FLT1: variants seen among roughly 807,000 people sequenced by gnomAD.
The protein encoded by FLT1 is vascular endothelial growth factor receptor 1.
FLT1 carries 49 observed loss-of-function variants against 156.3 expected under a neutral mutation model. That is an observed-to-expected ratio of 0.31 (90% CI 0.25 to 0.40). FLT1 has a LOEUF of 0.40. Among genes scored for constraint, FLT1 ranks in the 10% least tolerant of loss-of-function variants. FLT1 has a pLI of 1.00. For synonymous variants in FLT1, 594 were observed against 583.8 expected, an observed-to-expected ratio of 1.02 and a Z score of -0.25; for missense variants, 1,322 against 1,637.2, an observed-to-expected ratio of 0.81 and a Z score of 3.32.
chr13:28,326,512 C>G (rs962672108), intron 20 of FLT1, among the ~76,000 whole-genome samples: 6 of 142,978 alleles, frequency 4.2e-5, no homozygotes, highest in African/African-American at 1.6e-4. Flanking sequence ...TCAATAATCT[C>G]TCTCTCTCTT....
At chr13:28,320,319 T>C (rs1315840655) in intron 23 of FLT1, among the ~76,000 whole-genome samples, 1 of 152,194 alleles carries the variant, frequency 6.6e-6, no homozygotes, top group Non-Finnish European at 1.5e-5. Flanking sequence ...TTTTATTTTT[T>C]TATTTTTACA....
intron 14 of FLT1, among the ~76,000 whole-genome samples, chr13:28,372,369 C>A (rs1873644222): frequency 6.7e-6 from 1 of 149,828 alleles, no homozygotes; most frequent in East Asian, 2.0e-4. Flanking sequence ...CAGGCATGAG[C>A]CACTGCATCC....
At chr13:28,462,748 A>C (rs1229980274) in intron 3 of FLT1, among the ~76,000 whole-genome samples, 3 of 151,996 alleles carry the variant, frequency 2.0e-5, no homozygotes, top group Admixed American at 2.0e-4. Context: ...TCCCTCAGCC[A>C]CTCAACCTCT....
intron 13 of FLT1, chr13:28,387,025 C>T (rs1874407017): frequency 9.6e-7 from 1 of 1,038,190 alleles, no homozygotes; most frequent in Non-Finnish European, 1.2e-6. Context: ...GCATCATCAA[C>T]ACAGACACGA....
chr13:28,320,765 G>A (rs1046782662), intron 23 of FLT1, among the ~76,000 whole-genome samples: 18 of 152,060 alleles, frequency 1.2e-4, no homozygotes, highest in Admixed American at 6.5e-4. Context: ...ACACTGTAGC[G>A]TAACAAGCCT....
At position 28,301,508 on chromosome 13, in the gene FLT1, A is replaced by G. The variant is rs1219050541; in HGVS notation, c.*1659T>C. On this transcript the variant is annotated 3_prime_UTR_variant, in exon 30 of 30. Coordinates refer to ENST00000282397, the MANE Select transcript of FLT1 (RefSeq NM_002019.4). ...AAACAAGGATGTGGCACATAAGAAC[A>G]GAGGCATACATTCTTCGGTTACTTA... is the stretch of plus-strand genomic sequence containing the variant. 8.6e-6 allele frequency: 2 copies of G among 233,078 alleles called. No individual in the cohort carries two copies. The highest frequency in any genetic ancestry group is 1.7e-5 in the Non-Finnish European group (2 of 117,972). The allele number at this position is 233,078 out of a possible 1,614,324, so 14.4% of individuals were successfully genotyped here.
chr13:28,409,171 C>T (rs551799222), intron 10 of FLT1, among the ~76,000 whole-genome samples: 12 of 152,228 alleles, frequency 7.9e-5, no homozygotes, highest in Non-Finnish European at 1.6e-4. Context: ...TCTATATATG[C>T]AGATGACACT....
chr13:28,353,695 G>A (rs1033783729), intron 15 of FLT1, among the ~76,000 whole-genome samples: 5 of 152,120 alleles, frequency 3.3e-5, no homozygotes, highest in Non-Finnish European at 7.3e-5. Flanking sequence ...GGGCTACTGA[G>A]CGCTATGTTA....
intron 10 of FLT1, among the ~76,000 whole-genome samples, chr13:28,418,662 C>G (rs927267864): frequency 2.0e-5 from 3 of 152,206 alleles, no homozygotes; most frequent in Non-Finnish European, 4.4e-5. Flanking sequence ...CTCCCGGGCT[C>G]AAGCCTTCCT....
intron 1 of FLT1, among the ~76,000 whole-genome samples, chr13:28,471,232 G>A (rs1268532033): frequency 6.6e-6 from 1 of 152,202 alleles, no homozygotes; most frequent in Non-Finnish European, 1.5e-5. Context: ...CAGGTAAACA[G>A]AAGTATAAGG....
At chr13:28,333,394 T>C (rs1872000207) in intron 18 of FLT1, among the ~76,000 whole-genome samples, 1 of 152,204 alleles carries the variant, frequency 6.6e-6, no homozygotes, top group South Asian at 2.1e-4. Context: ...TTACACAGCT[T>C]TCACTGATTT....
intron 10 of FLT1, among the ~76,000 whole-genome samples, chr13:28,414,917 C>T (rs2137515443): frequency 6.6e-6 from 1 of 152,290 alleles, no homozygotes; most frequent in South Asian, 2.1e-4. Context: ...CACCCCTGAC[C>T]TAAGCACTAT....
chr13:28,427,126 T>A (rs200323127), intron 10 of FLT1, 33 bp downstream of exon 10: 2 of 1,601,380 alleles, frequency 1.2e-6, no homozygotes, highest in African/African-American at 2.7e-5. Flanking sequence ...CAAAAAGTAT[T>A]TGAAAGTTAG....
intron 6 of FLT1, 25 bp from the exon 7 acceptor site, chr13:28,431,335 G>A (rs377133545): frequency 2.0e-4 from 303 of 1,543,192 alleles, no homozygotes; most frequent in Non-Finnish European, 2.4e-4. Flanking sequence ...TATAACAAAT[G>A]TAGAAGGAGT....
chr13:28,402,690 A>T (rs1019303942), intron 11 of FLT1, among the ~76,000 whole-genome samples: 3 of 152,224 alleles, frequency 2.0e-5, no homozygotes, highest in Admixed American at 2.0e-4. Context: ...AGGGAATTGC[A>T]TAAGGGTACA....
At chr13:28,456,710 C>G (rs1352518561) in intron 3 of FLT1, among the ~76,000 whole-genome samples, 1 of 151,616 alleles carries the variant, frequency 6.6e-6, no homozygotes, top group South Asian at 2.1e-4. Context: ...GCAGGAGAAT[C>G]GTTTGAACCC....
intron 10 of FLT1, 21 bp downstream of exon 10, chr13:28,427,138 A>T (rs534081391): frequency 6.2e-7 from 1 of 1,610,170 alleles, no homozygotes; most frequent in Non-Finnish European, 8.5e-7. Flanking sequence ...GAAAGTTAGT[A>T]AAAAAACTGA....
intron 14 of FLT1, among the ~76,000 whole-genome samples, chr13:28,375,504 A>G (rs1401644697): frequency 1.3e-5 from 2 of 152,016 alleles, no homozygotes; most frequent in Admixed American, 1.3e-4. Flanking sequence ...GCATGCTGTT[A>G]CCCCACTACC....
chr13:28,454,544 T>G (rs560288594), intron 3 of FLT1, among the ~76,000 whole-genome samples: 4 of 152,212 alleles, frequency 2.6e-5, no homozygotes, highest in African/African-American at 9.6e-5. Flanking sequence ...TTCTGAGAAA[T>G]AAATGGAGAT....
Sources: gnomAD v4.1 joint callset for allele counts (sites outside exome capture counted in the v4.1 genomes callset) on GRCh38, gnomAD v4.1.1 for gene constraint, MANE v1.5 for transcripts, NCBI Gene and HGNC (gene_info 2026-07-23, HGNC 2026-07-21) for gene names.